Variants in BCAS3 observed in about 807,000 individuals in gnomAD.
The protein encoded by BCAS3 is BCAS4/BCAS3 fusion.
In BCAS3, 53 loss-of-function variants were observed where a neutral mutation model predicts 116.1. That is an observed-to-expected ratio of 0.46 (90% CI 0.37 to 0.57). The LOEUF is 0.57. Ranked by LOEUF, BCAS3 falls within the 20% of genes least tolerant of loss-of-function variation. BCAS3 has a pLI of 0.00. For missense variants in BCAS3, 917 were observed against 1,165.4 expected (o/e 0.79, Z 3.10); for synonymous variants, 391 against 408.2 (o/e 0.96, Z 0.51).
At chr17:60,914,231 A>T (rs1319078345) in intron 12 of BCAS3, among the ~76,000 whole-genome samples, 1 of 152,224 alleles carries the variant, frequency 6.6e-6, no homozygotes, top group Non-Finnish European at 1.5e-5. Flanking sequence ...TAGGAAAATT[A>T]TACTGGAATA....
intron 14 of BCAS3, among the ~76,000 whole-genome samples, chr17:60,954,512 C>T (rs1355069266): frequency 2.0e-5 from 3 of 152,124 alleles, no homozygotes; most frequent in Admixed American, 6.5e-5. Flanking sequence ...TCTAGGTAAT[C>T]TTAGCCTTTA....
rs1234892336 is a variant in BCAS3 at position 61,259,616 on chromosome 17, G to A, written c.2426-108711G>A. 2.0e-5 allele frequency among the ~76,000 whole-genome samples: 3 copies of A among 152,166 alleles called. No homozygotes were observed. The highest frequency in any genetic ancestry group is 7.2e-5 in the African/African-American group (3 of 41,438). On this transcript the variant is annotated intron_variant, in intron 22 of 23. Coordinates refer to ENST00000407086, the MANE Select transcript of BCAS3 (RefSeq NM_017679.5). This position sits in a 1 kb window ranked among gnomAD's most constrained non-coding sequence, Gnocchi z 4.7. Reference sequence around the variant, plus strand: ...TTAAGTGTTCCAGCCACTGGAGCTGGTTCTCTTTGTTGTTCTTTTTTTCCC... The same window carrying A: ...TTAAGTGTTCCAGCCACTGGAGCTGATTCTCTTTGTTGTTCTTTTTTTCCC...
At chr17:61,175,688 C>T (rs1000033698) in intron 22 of BCAS3, among the ~76,000 whole-genome samples, 1 of 152,184 alleles carries the variant, frequency 6.6e-6, no homozygotes, top group African/African-American at 2.4e-5. Context: ...CAACAATACA[C>T]TGTGGTTCAC....
At chr17:61,108,201 GTC>G (rs1375225725) in intron 22 of BCAS3, among the ~76,000 whole-genome samples, 1 of 151,998 alleles carries the variant, frequency 6.6e-6, no homozygotes, top group African/African-American at 2.4e-5. Context: ...TTTCTCTAAA[GTC>G]TACTTTATCT....
In BCAS3 at chr17:61,104,208, T is replaced by C. The variant is rs990630112; in HGVS notation, c.2425+19644T>C. On this transcript the variant is annotated intron_variant, in intron 22 of 23. Coordinates refer to ENST00000407086, the MANE Select transcript of BCAS3 (RefSeq NM_017679.5). This position sits in a 1 kb window ranked among gnomAD's most constrained non-coding sequence, Gnocchi z 4.1. ...GGTGGGCTTGATGTCCTCTCTCCCA[T>C]TCCACCTCCCCACCCACAGACTCAT... Among the ~76,000 whole-genome samples, 3 of 152,136 alleles carry C rather than the reference T, an allele frequency of 2.0e-5. No individual in the cohort carries two copies. The highest frequency in any genetic ancestry group is 2.0e-4 in the Admixed American group (3 of 15,264).
intron 22 of BCAS3, among the ~76,000 whole-genome samples, chr17:61,091,341 C>G (rs568201736): frequency 6.6e-6 from 1 of 152,306 alleles, no homozygotes; most frequent in African/African-American, 2.4e-5. Context: ...TACTGTGCCT[C>G]TCATACAGGG....
intron 7 of BCAS3, among the ~76,000 whole-genome samples, chr17:60,862,212 G>A (rs2054217288): frequency 2.0e-5 from 3 of 152,320 alleles, no homozygotes; most frequent in Admixed American, 1.3e-4. Context: ...GAACCCAGGA[G>A]GTGGAGCTTG....
chr17:60,976,025 T>TTTTTTC (rs781660613), intron 14 of BCAS3, among the ~76,000 whole-genome samples: 8 of 117,120 alleles, frequency 6.8e-5, no homozygotes, highest in African/African-American at 1.0e-4. Context: ...TTTTGCTTTT[T>TTTTTTC]TTTTTTTTTT....
At chr17:60,826,873 G>A (rs1264938294) in intron 7 of BCAS3, among the ~76,000 whole-genome samples, 3 of 152,172 alleles carry the variant, frequency 2.0e-5, no homozygotes, top group East Asian at 3.8e-4. Flanking sequence ...TAATGATAAC[G>A]TGGATGATAT....
chr17:60,890,022 A>G (rs1488683972), intron 10 of BCAS3, among the ~76,000 whole-genome samples: 1 of 152,236 alleles, frequency 6.6e-6, no homozygotes, highest in Non-Finnish European at 1.5e-5. Flanking sequence ...TATATAGAGA[A>G]CTTCATTCTA....
At chr17:60,768,824 G>A (rs2044366329) in intron 6 of BCAS3, among the ~76,000 whole-genome samples, 1 of 152,190 alleles carries the variant, frequency 6.6e-6, no homozygotes, top group Non-Finnish European at 1.5e-5. Context: ...GGGCCTAGGT[G>A]GTCTGATTCT....
At position 61,038,651 on chromosome 17, in the gene BCAS3, G is replaced by GTTTTTGTTTTTGT. The variant is rs1555680995; in HGVS notation, c.1928+601_1928+602insTGTTTTTGTTTTT. On this transcript the variant is annotated intron_variant, in intron 18 of 23. Coordinates refer to ENST00000407086, the MANE Select transcript of BCAS3 (RefSeq NM_017679.5). The stretch of plus-strand genomic sequence containing the variant: ...AAACAATACTTCATTCCTTTTTTTT[G>GTTTTTGTTTTTGT]TTTTGTTTTTGTTTTTGTTTTTTTT... 1.9e-4 allele frequency among the ~76,000 whole-genome samples: 25 copies of GTTTTTGTTTTTGT among 133,522 alleles called. 1 individual carries two copies. The highest frequency in any genetic ancestry group is 6.5e-4 in the African/African-American group (23 of 35,258). 87.6% of individuals were successfully genotyped at this position (133,522 alleles called of 152,430 possible).
At chr17:61,271,124 CT>C (rs1198682844) in intron 22 of BCAS3, among the ~76,000 whole-genome samples, 8,775 of 107,032 alleles carry the variant, frequency 0.082, 215 homozygotes, top group African/African-American at 0.17. Flanking sequence ...AACTTTTATT[CT>C]TTTTTTTTTT....
intron 11 of BCAS3, among the ~76,000 whole-genome samples, chr17:60,907,417 C>G (rs1379604890): frequency 6.6e-6 from 1 of 152,140 alleles, no homozygotes; most frequent in Non-Finnish European, 1.5e-5. Flanking sequence ...CTAATGACAA[C>G]TAACAGCTTT....
chr17:61,052,285 G>A (rs1318509315), intron 19 of BCAS3, among the ~76,000 whole-genome samples: 2 of 151,842 alleles, frequency 1.3e-5, no homozygotes, highest in African/African-American at 2.4e-5. Flanking sequence ...TTCTGTATCT[G>A]TAAGTATATT....
chr17:60,946,364 C>G (rs1297169728), intron 13 of BCAS3, among the ~76,000 whole-genome samples: 1 of 151,988 alleles, frequency 6.6e-6, no homozygotes, highest in African/African-American at 2.4e-5. Flanking sequence ...AATTATGAAA[C>G]TTTTACAAGG....
intron 6 of BCAS3, among the ~76,000 whole-genome samples, chr17:60,805,476 A>G (rs1025166671): frequency 2.6e-5 from 4 of 152,194 alleles, no homozygotes; most frequent in African/African-American, 9.7e-5. Flanking sequence ...AAAGCATACA[A>G]ATTTTTATTT....
intron 22 of BCAS3, among the ~76,000 whole-genome samples, chr17:61,293,805 G>T (rs927832433): frequency 6.6e-5 from 10 of 152,216 alleles, no homozygotes; most frequent in Non-Finnish European, 7.3e-5. Flanking sequence ...CTGTCACCCA[G>T]GCTGGAGTGC....
intron 5 of BCAS3, among the ~76,000 whole-genome samples, chr17:60,710,496 A>C (rs1247704768): frequency 6.6e-6 from 1 of 150,858 alleles, no homozygotes; most frequent in Non-Finnish European, 1.5e-5. Flanking sequence ...CAGTGGCGCA[A>C]TCTCGGCTCA....
Sources: allele counts gnomAD v4.1 joint callset (sites outside exome capture counted in the v4.1 genomes callset), GRCh38; gene constraint gnomAD v4.1.1; non-coding constraint Gnocchi (gnomAD v3.1); transcripts MANE v1.5; gene names NCBI Gene and HGNC (gene_info 2026-07-23, HGNC 2026-07-21).